Variants in BCO1 observed in about 807,000 individuals in gnomAD.
BCO1 encodes the protein beta-carotene oxygenase 1.
Under a neutral mutation model 56.3 loss-of-function variants are expected in BCO1, and 54 were observed. The observed-to-expected ratio is 0.96, with a 90% CI of 0.77 to 1.20. BCO1 has a LOEUF of 1.20. BCO1 is among the 50% of genes most tolerant of loss of function. The pLI is 0.00. For synonymous variants in BCO1, 318 were observed against 266.1 expected, an observed-to-expected ratio of 1.20 and a Z score of -1.90; for missense variants, 801 against 690.9, an observed-to-expected ratio of 1.16 and a Z score of -1.79.
chr16:81,249,100 T>TTC (rs1417410617), intron 2 of BCO1, among the ~76,000 whole-genome samples: 5 of 148,942 alleles, frequency 3.4e-5, no homozygotes, highest in Non-Finnish European at 7.4e-5. Context: ...TTCTTTTTTT[T>TTC]TTTTTTTTGA....
chr16:81,243,946 C>T (rs1238508372), intron 1 of BCO1, among the ~76,000 whole-genome samples: 5 of 152,236 alleles, frequency 3.3e-5, no homozygotes, highest in African/African-American at 7.2e-5. Flanking sequence ...GCTAAATCCT[C>T]TGGGTATGAC....
chr16:81,245,810 C>G (rs560807960), intron 2 of BCO1, among the ~76,000 whole-genome samples: 4 of 146,734 alleles, frequency 2.7e-5, no homozygotes, highest in African/African-American at 9.9e-5. Context: ...TTTCTATCTT[C>G]TAGAAGCCGC....
chr16:81,241,852 A>G (rs73599332), intron 1 of BCO1, among the ~76,000 whole-genome samples: 2,008 of 152,242 alleles, frequency 0.013, 44 homozygotes, highest in African/African-American at 0.046. Flanking sequence ...AGCACATGCA[A>G]AGGTTTTGGC....
At chr16:81,269,888 A>T (rs1907076668) in intron 6 of BCO1, among the ~76,000 whole-genome samples, 1 of 152,148 alleles carries the variant, frequency 6.6e-6, no homozygotes, top group African/African-American at 2.4e-5. Flanking sequence ...GCGTCTCTCC[A>T]AACACTGTCC....
At chr16:81,252,685 A>G (rs528804426) in intron 2 of BCO1, among the ~76,000 whole-genome samples, 24 of 152,320 alleles carry the variant, frequency 1.6e-4, no homozygotes, top group Admixed American at 5.9e-4. Context: ...GGGTGGCCTT[A>G]AGTGGGCCTC....
intron 2 of BCO1, among the ~76,000 whole-genome samples, chr16:81,246,026 C>G (rs1597344493): frequency 1.3e-5 from 2 of 151,916 alleles, no homozygotes; most frequent in African/African-American, 4.8e-5. Flanking sequence ...CCATGCCCAG[C>G]TAATTTTTGT....
intron 5 of BCO1, among the ~76,000 whole-genome samples, chr16:81,267,690 C>T (rs1906913799): frequency 6.6e-6 from 1 of 152,142 alleles, no homozygotes; most frequent in South Asian, 2.1e-4. Context: ...CCTCTTGGTT[C>T]AGTGGTTTTC....
chr16:81,288,389 A>T (rs1908300179), intron 10 of BCO1, among the ~76,000 whole-genome samples: 1 of 152,134 alleles, frequency 6.6e-6, no homozygotes, highest in Admixed American at 6.5e-5. Flanking sequence ...CAGCCCACCA[A>T]GTAGCTGGAG....
intron 7 of BCO1, among the ~76,000 whole-genome samples, chr16:81,270,812 T>C (rs56146347): frequency 0.019 from 2,957 of 152,102 alleles, 44 homozygotes; most frequent in Non-Finnish European, 0.028. Flanking sequence ...TGTTGCGATC[T>C]CTGCTCGCTG....
chr16:81,265,782 TCCA>T (rs1567454560), intron 5 of BCO1, among the ~76,000 whole-genome samples: 3 of 146,460 alleles, frequency 2.0e-5, no homozygotes, highest in Non-Finnish European at 4.5e-5. Flanking sequence ...CATCCACTTA[TCCA>T]CCATCCATCC....
intron 7 of BCO1, among the ~76,000 whole-genome samples, chr16:81,273,880 C>T (rs566158495): frequency 1.3e-5 from 2 of 152,280 alleles, no homozygotes; most frequent in African/African-American, 4.8e-5. Context: ...CATCGTGGCA[C>T]CGCACTGAGA....
intron 7 of BCO1, among the ~76,000 whole-genome samples, chr16:81,277,013 G>A (rs1311061993): frequency 6.9e-6 from 1 of 145,462 alleles, no homozygotes; most frequent in Non-Finnish European, 1.5e-5. Context: ...GTTGCAGTGA[G>A]CTGAGATCGT....
chr16:81,242,490 C>T (rs928070216), intron 1 of BCO1, among the ~76,000 whole-genome samples: 5 of 152,100 alleles, frequency 3.3e-5, no homozygotes, highest in East Asian at 1.9e-4. Context: ...CCTGAGCCAC[C>T]GCGCTGGCCT....
In BCO1 at chr16:81,280,269, CAAAAAAAAAAAAAAAAAAA is replaced by C. The variant is rs58607661; in HGVS notation, c.1102-567_1102-549del. 4.3e-4 allele frequency among the ~76,000 whole-genome samples: 16 copies of C among 36,902 alleles called. No homozygotes were observed. In the East Asian group the frequency reaches 4.6e-3, roughly 11 times the overall value. 24.2% of individuals were successfully genotyped at this position (36,902 alleles called of 152,430 possible). On this transcript the variant is annotated intron_variant, in intron 7 of 10. Coordinates refer to ENST00000258168, the MANE Select transcript of BCO1 (RefSeq NM_017429.3). Reference sequence around the variant, plus strand: ...TGGGCAACAGAGTGAGACTCCATCTCAAAAAAAAAAAAAAAAAAAAAAAAAAAAAAAAAAAAAAATTACA... The same window carrying C: ...TGGGCAACAGAGTGAGACTCCATCTCAAAAAAAAAAAAAAAAAAAATTACA...
At chr16:81,247,986 G>A (rs1369132104) in intron 2 of BCO1, among the ~76,000 whole-genome samples, 2 of 152,140 alleles carry the variant, frequency 1.3e-5, no homozygotes, top group Non-Finnish European at 2.9e-5. Flanking sequence ...AGTCTCTTCT[G>A]TAAAATGGAC....
intron 2 of BCO1, among the ~76,000 whole-genome samples, chr16:81,258,483 TG>T (rs1287907010): frequency 1.3e-5 from 2 of 152,200 alleles, no homozygotes; most frequent in African/African-American, 2.4e-5. Flanking sequence ...AGTGATCAAC[TG>T]GGCTTCTGGA....
chr16:81,281,809 A>G (rs1907898758), intron 8 of BCO1, among the ~76,000 whole-genome samples: 1 of 152,148 alleles, frequency 6.6e-6, no homozygotes, highest in Non-Finnish European at 1.5e-5. Context: ...GCCTCTACCC[A>G]CTGGAAGCCA....
At chr16:81,256,654 G>A (rs992149422) in intron 2 of BCO1, among the ~76,000 whole-genome samples, 2 of 152,140 alleles carry the variant, frequency 1.3e-5, no homozygotes, top group Admixed American at 1.3e-4. Flanking sequence ...TTGGGAGGCC[G>A]AGGCAGGCAG....
intron 8 of BCO1, among the ~76,000 whole-genome samples, chr16:81,283,049 G>C (rs1366455951): frequency 6.6e-6 from 1 of 152,216 alleles, no homozygotes; most frequent in Non-Finnish European, 1.5e-5. Context: ...AGCAGAGCCA[G>C]GTTCTGACCC....
Sources: allele counts gnomAD v4.1 joint callset (sites outside exome capture counted in the v4.1 genomes callset), GRCh38; gene constraint gnomAD v4.1.1; transcripts MANE v1.5; gene names NCBI Gene and HGNC (gene_info 2026-07-23, HGNC 2026-07-21).